Variants in SGCZ observed in about 807,000 individuals in gnomAD.
The protein encoded by SGCZ is zeta-sarcoglycan.
In SGCZ, 40 loss-of-function variants were observed where a neutral mutation model predicts 41.3. That is an observed-to-expected ratio of 0.97 (90% CI 0.75 to 1.26). The LOEUF (loss-of-function observed/expected upper bound fraction) is 1.26. SGCZ is among the 50% of genes most tolerant of loss of function. The probability of loss-of-function intolerance (pLI) is 0.00; values close to 1 mark genes in which losing one functional copy is unlikely to be tolerated. For missense variants in SGCZ, 552 were observed against 369.8 expected, an observed-to-expected ratio of 1.49 and a Z score of -4.04; for synonymous variants, 206 against 137.5, an observed-to-expected ratio of 1.50 and a Z score of -3.49.
In SGCZ at chr8:15,134,111, G is replaced by A. The variant is rs549747618; in HGVS notation, c.39+103474C>T. Among the ~76,000 whole-genome samples, 235 of 152,010 alleles carry A rather than the reference G, an allele frequency of 1.5e-3. 3 individuals are homozygous for A. The highest frequency in any genetic ancestry group is 4.3e-3 in the Admixed American group (66 of 15,256). ...TTAATTCTGTATTTTGCCTTTATAA[G>A]GCTATTTAATAAATATTTAAGCATC... On this transcript the variant is annotated intron_variant, in intron 1 of 7. Transcript: ENST00000382080.
intron 6 of SGCZ, among the ~76,000 whole-genome samples, chr8:14,104,026 G>C (rs756748116): frequency 2.0e-5 from 3 of 152,064 alleles, no homozygotes; most frequent in Non-Finnish European, 4.4e-5. Context: ...CTCTTGTATG[G>C]AAAGTCTCCT....
At chr8:14,451,537 C>G (rs1038110308) in intron 2 of SGCZ, among the ~76,000 whole-genome samples, 11 of 152,026 alleles carry the variant, frequency 7.2e-5, no homozygotes, top group African/African-American at 2.7e-4. Context: ...GAGACAAAAT[C>G]AAGAGATTGA....
At chr8:14,120,497 T>C (rs190589498) in intron 5 of SGCZ, among the ~76,000 whole-genome samples, 59 of 152,272 alleles carry the variant, frequency 3.9e-4, no homozygotes, top group African/African-American at 1.3e-3. Context: ...TGTGGTTTTA[T>C]ATTTGGCTAG....
At chr8:14,269,838 T>C (rs982255630) in intron 3 of SGCZ, among the ~76,000 whole-genome samples, 1 of 152,150 alleles carries the variant, frequency 6.6e-6, no homozygotes, top group Non-Finnish European at 1.5e-5. Context: ...TTGCTTGATA[T>C]CCTTTCAATA....
At chr8:14,719,949 T>C (rs1809826008) in intron 1 of SGCZ, among the ~76,000 whole-genome samples, 1 of 152,096 alleles carries the variant, frequency 6.6e-6, no homozygotes, top group African/African-American at 2.4e-5. Flanking sequence ...TCCTGAATGG[T>C]AACGCCTAGG....
At chr8:14,936,669 CACAA>C (rs1333406792) in intron 1 of SGCZ, among the ~76,000 whole-genome samples, 1 of 151,640 alleles carries the variant, frequency 6.6e-6, no homozygotes, top group Non-Finnish European at 1.5e-5. Context: ...AAAAATAGAC[CACAA>C]ACAGAGGCTA....
At chr8:14,474,013 AT>A (rs1162500391) in intron 2 of SGCZ, among the ~76,000 whole-genome samples, 2 of 152,094 alleles carry the variant, frequency 1.3e-5, no homozygotes, top group Non-Finnish European at 2.9e-5. Context: ...TAATTGCCAA[AT>A]TTTGCATAAG....
intron 1 of SGCZ, among the ~76,000 whole-genome samples, chr8:15,191,153 G>A (rs1246586812): frequency 6.6e-6 from 1 of 151,964 alleles, no homozygotes. Context: ...AAATCTAAAA[G>A]GCTTTGTGTT....
At position 14,749,481 on chromosome 8, in the gene SGCZ, A is replaced by G. The variant is rs892697671; in HGVS notation, c.40-194555T>C. Among the ~76,000 whole-genome samples the G allele has an allele frequency of 1.1e-4, 16 of 152,196 alleles. 3 individuals carry two copies. Among genetic ancestry groups the G allele is most frequent in the Admixed American group, 9.8e-4 (15 of 15,278 alleles). ...CTACATCATGTAATATAATAAATCT[A>G]GGATTCCTGTTAGCAGAGAACTATC... On this transcript the variant is annotated intron_variant, in intron 1 of 7. Transcript: ENST00000382080.
At chr8:14,262,002 C>G (rs548234437) in intron 3 of SGCZ, among the ~76,000 whole-genome samples, 19 of 152,238 alleles carry the variant, frequency 1.2e-4, no homozygotes, top group African/African-American at 4.3e-4. Context: ...AACTCCTACT[C>G]TAAGCAATTT....
Position 14,480,876 on chromosome 8 carries a change from T to C in SGCZ, c.234+73856A>G, listed in dbSNP as rs145022387. 8.8e-3 allele frequency among the ~76,000 whole-genome samples: 1,336 copies of C among 152,148 alleles called. 21 individuals carry two copies. Among genetic ancestry groups the C allele is most frequent in the African/African-American group, 0.031 (1,271 of 41,546 alleles). On this transcript the variant is annotated intron_variant, in intron 2 of 7. Transcript: ENST00000382080. ...TACAAGTTTAATTATATAACAAACCTGCACTTGTACTCCTGAACTTAAAAG... is the reference window on the plus strand; with the variant it reads ...TACAAGTTTAATTATATAACAAACCCGCACTTGTACTCCTGAACTTAAAAG...
chr8:14,944,492 GA>G (rs1563380941), intron 1 of SGCZ, among the ~76,000 whole-genome samples: 1 of 152,088 alleles, frequency 6.6e-6, no homozygotes, highest in Admixed American at 6.6e-5. Context: ...TCATTACCCT[GA>G]AAATGAACTT....
chr8:14,292,589 CA>C (rs970980400), intron 3 of SGCZ, among the ~76,000 whole-genome samples: 1 of 151,942 alleles, frequency 6.6e-6, no homozygotes, highest in African/African-American at 2.4e-5. Flanking sequence ...TAAAATATTC[CA>C]TGTTTATATG....
At chr8:14,206,188 T>C (rs1805609716) in intron 4 of SGCZ, among the ~76,000 whole-genome samples, 1 of 152,168 alleles carries the variant, frequency 6.6e-6, no homozygotes. Flanking sequence ...CCTTATAGTA[T>C]GATCTAAAAA....
intron 2 of SGCZ, among the ~76,000 whole-genome samples, chr8:14,498,416 T>C (rs1249184655): frequency 2.6e-5 from 4 of 152,128 alleles, no homozygotes; most frequent in Non-Finnish European, 5.9e-5. Context: ...TAATGAAGCA[T>C]GGCTATCATA....
At chr8:15,008,391 G>A (rs1020583647) in intron 1 of SGCZ, among the ~76,000 whole-genome samples, 1 of 151,384 alleles carries the variant, frequency 6.6e-6, no homozygotes, top group Non-Finnish European at 1.5e-5. Flanking sequence ...AATGTTAATA[G>A]AAGGACAGTA....
chr8:14,839,251 GA>G (rs904818300), intron 1 of SGCZ, among the ~76,000 whole-genome samples: 1 of 151,798 alleles, frequency 6.6e-6, no homozygotes, highest in African/African-American at 2.4e-5. Context: ...GAAAGAGAGA[GA>G]AAAAAATATG....
At chr8:14,271,073 G>C (rs1437094606) in intron 3 of SGCZ, among the ~76,000 whole-genome samples, 4 of 152,118 alleles carry the variant, frequency 2.6e-5, no homozygotes, top group Non-Finnish European at 4.4e-5. Context: ...GGGAGGGATA[G>C]CATTAGGAGA....
At chr8:14,696,084 C>T (rs540824795) in intron 1 of SGCZ, among the ~76,000 whole-genome samples, 1 of 152,172 alleles carries the variant, frequency 6.6e-6, no homozygotes, top group Non-Finnish European at 1.5e-5. Flanking sequence ...TTCATTCATA[C>T]AGTTGTATTT....
Sources: allele counts gnomAD v4.1 joint callset (sites outside exome capture counted in the v4.1 genomes callset), GRCh38; gene constraint gnomAD v4.1.1; transcripts MANE v1.5; gene names NCBI Gene and HGNC (gene_info 2026-07-23, HGNC 2026-07-21).